Variants in KIF21A observed in about 807,000 individuals in gnomAD.
KIF21A encodes the protein kinesin family member 21A, also known as kinesin-like protein KIF21A.
A neutral mutation model predicts 202.9 loss-of-function variants in KIF21A; 114 were observed. The observed-to-expected ratio is 0.56, with a 90% CI of 0.48 to 0.66. The LOEUF (loss-of-function observed/expected upper bound fraction) is 0.66. KIF21A is among the 30% of genes least tolerant of loss of function. The pLI is 0.00. For synonymous variants in KIF21A, 667 were observed against 670.8 expected, an observed-to-expected ratio of 0.99 and a Z score of 0.09; for missense variants, 1,677 against 1,994.9, an observed-to-expected ratio of 0.84 and a Z score of 3.04.
chr12:39,442,899 C>T lies in KIF21A; in HGVS notation c.44+28G>A. The stretch of plus-strand genomic sequence containing the variant: ...TGCCGCGCCCTCAACCCGCCGCCCG[C>T]CGCCCGCCGCCGGCAGACTGTCCTC... On this transcript the variant is annotated intron_variant, in intron 1 of 37. Transcript: ENST00000361418. The surrounding 1 kb of genome is among the most constrained non-coding windows in gnomAD (Gnocchi z 5.0). The T allele has an allele frequency of 6.6e-7, 1 of 1,523,594 alleles. No homozygotes were observed. The allele number at this position is 1,523,594 out of a possible 1,614,324, so 94.4% of individuals were successfully genotyped here.
chr12:39,404,174 A>G (rs1952398588), intron 1 of KIF21A, among the ~76,000 whole-genome samples: 1 of 152,154 alleles, frequency 6.6e-6, no homozygotes. Context: ...ACTACCTCCA[A>G]GTGCACTGCT....
intron 1 of KIF21A, among the ~76,000 whole-genome samples, chr12:39,389,701 A>T (rs1418578048): frequency 1.3e-5 from 2 of 152,208 alleles, no homozygotes; most frequent in African/African-American, 2.4e-5. Context: ...ACCTTCTTCT[A>T]GGAGCAGTAC....
chr12:39,331,697 A>G lies in KIF21A; in HGVS notation c.3146T>C (p.Ile1049Thr). 1 of 1,607,290 alleles carries G rather than the reference A, an allele frequency of 6.2e-7. No homozygotes were observed. The highest frequency in any genetic ancestry group is 1.1e-5 in the South Asian group (1 of 90,936). ...AGTGTGGTTGTATCTTACCTTATTGATGCCCATTGACAGGAAGTGATCTAG... is the reference window on the plus strand; with the variant it reads ...AGTGTGGTTGTATCTTACCTTATTGGTGCCCATTGACAGGAAGTGATCTAG... ...YLLDHFLSMG[I>T]NKGLQAAQKE... The change falls in exon 22 of 38, where the codon ATC (isoleucine) becomes ACC (threonine). Residue 1049 changes from isoleucine to threonine, a missense_variant. Physicochemically the swap from Ile to Thr is moderately conservative, Grantham distance 89. Coordinates refer to ENST00000361418, the MANE Select transcript of KIF21A (RefSeq NM_001173464.2).
Position 39,403,289 on chromosome 12 carries a change from A to C in KIF21A, c.45-33028T>G, listed in dbSNP as rs571844921. 4.6e-5 allele frequency among the ~76,000 whole-genome samples: 7 copies of C among 152,358 alleles called. No homozygotes were observed. In the East Asian group the frequency reaches 1.4e-3, roughly 29 times the overall value. ...TGCCCTTATGGAACTCACAGTCTAC[A>C]GTTTGTAAGACAAAGCATGTTTACT... On this transcript the variant is annotated intron_variant, in intron 1 of 37. Coordinates refer to ENST00000361418, the MANE Select transcript of KIF21A (RefSeq NM_001173464.2).
chr12:39,419,885 G>A (rs1033317571), intron 1 of KIF21A, among the ~76,000 whole-genome samples: 1 of 151,960 alleles, frequency 6.6e-6, no homozygotes, highest in East Asian at 1.9e-4. Flanking sequence ...TCTCCATTCG[G>A]CAGAACTCAA....
intron 11 of KIF21A, among the ~76,000 whole-genome samples, chr12:39,347,790 CCACTAA>C (rs1344569639): frequency 1.3e-5 from 2 of 152,112 alleles, no homozygotes; most frequent in East Asian, 3.9e-4. Context: ...CAACCCAACA[CCACTAA>C]ATACAAATCA....
Position 39,340,154 on chromosome 12 carries a change from A to G in KIF21A, c.2310+11T>C, listed in dbSNP as rs757861695. ...GAACATCAAACGTTAATGGAAAAAA[A>G]TAATCAATACCTTTGTTTTTTTCAT... is the stretch of plus-strand genomic sequence containing the variant. On this transcript the variant is annotated intron_variant, in intron 16 of 37. Transcript: ENST00000361418. 1 of 1,605,856 alleles carries G rather than the reference A, an allele frequency of 6.2e-7. No individual in the cohort carries two copies. Among genetic ancestry groups the G allele is most frequent in the Non-Finnish European group, 8.5e-7 (1 of 1,173,576 alleles).
chr12:39,322,984 A>G (rs1945446995), intron 26 of KIF21A, 102 bp from the exon 27 acceptor site: 1 of 878,110 alleles, frequency 1.1e-6, no homozygotes, highest in African/African-American at 1.7e-5. Context: ...TAAAACATTT[A>G]GCGTGTCTTT....
In KIF21A at chr12:39,301,517, T is replaced by A. The variant is rs148144546; in HGVS notation, c.4894A>T (p.Ile1632Leu). The change falls in exon 37 of 38, where the codon ATA becomes TTA. Residue 1632 changes from isoleucine to leucine, a missense_variant. Physicochemically the swap from Ile to Leu is conservative, Grantham distance 5 (BLOSUM62 2). Around this residue, in one of 3 missense-constraint regions of KIF21A, gnomAD observed 705 missense variants for 791.9 expected, o/e 0.89. Transcript: ENST00000361418. ...MKGHDSPINAICVNSTHIFTA... is the reference protein window; with the variant it reads ...MKGHDSPINALCVNSTHIFTA... ...AAAATGTGGGTGGAATTAACACATATGGCATTGATAGGACTATCATGACCC... is the reference window on the plus strand; with the variant it reads ...AAAATGTGGGTGGAATTAACACATAAGGCATTGATAGGACTATCATGACCC... 1.2e-6 allele frequency: 2 copies of A among 1,614,126 alleles called. No individual in the cohort carries two copies. The highest frequency in any genetic ancestry group is 3.3e-5 in the Admixed American group (2 of 60,018).
In KIF21A at chr12:39,370,087, A is replaced by G; in HGVS notation, c.219T>C (p.Ile73=). The change falls in exon 2 of 38, where the codon ATT becomes ATC. Residue 73 remains isoleucine, a synonymous_variant. Coordinates refer to ENST00000361418, the MANE Select transcript of KIF21A (RefSeq NM_001173464.2). ...QIYIQCIEKL[I]EGCFEGYNAT... ...CATTGTATCCTTCAAAGCAACCTTC[A>G]ATTAGTTTTTCTATACATTGAATGT... is the stretch of plus-strand genomic sequence containing the variant. 2 of 1,613,832 alleles carry G rather than the reference A, an allele frequency of 1.2e-6. No homozygotes were observed. Among genetic ancestry groups the G allele is most frequent in the Non-Finnish European group, 1.7e-6 (2 of 1,179,826 alleles).
At chr12:39,436,949 C>A (rs1021415028) in intron 1 of KIF21A, among the ~76,000 whole-genome samples, 1 of 152,122 alleles carries the variant, frequency 6.6e-6, no homozygotes, top group South Asian at 2.1e-4. Context: ...ATCTGCCATG[C>A]ATTTTTATTG....
At chr12:39,375,812 C>T (rs746563416) in intron 1 of KIF21A, among the ~76,000 whole-genome samples, 1 of 152,090 alleles carries the variant, frequency 6.6e-6, no homozygotes, top group South Asian at 2.1e-4. Flanking sequence ...ATACTAGCGA[C>T]CTTTGGCAAG....
At chr12:39,332,008 T>G in intron 21 of KIF21A, 2 of 660,928 alleles carry the variant, frequency 3.0e-6, no homozygotes, top group South Asian at 1.8e-5. Flanking sequence ...AGATGACCCA[T>G]GTGTTATATA....
chr12:39,373,182 C>T (rs1279400834), intron 1 of KIF21A, among the ~76,000 whole-genome samples: 1 of 152,224 alleles, frequency 6.6e-6, no homozygotes, highest in Non-Finnish European at 1.5e-5. Flanking sequence ...CTAAATCCCT[C>T]TGCTTTGCCA....
chr12:39,295,760 G>A (rs143500990), intron 37 of KIF21A, among the ~76,000 whole-genome samples: 3,342 of 138,434 alleles, frequency 0.024, 60 homozygotes, highest in South Asian at 0.05. Flanking sequence ...ATGCAGTGGC[G>A]CGATCTCGGC....
intron 32 of KIF21A, among the ~76,000 whole-genome samples, chr12:39,310,106 A>T (rs2137339515): frequency 6.6e-6 from 1 of 152,240 alleles, no homozygotes; most frequent in Non-Finnish European, 1.5e-5. Context: ...TCTTCAAAAC[A>T]TTCTTCTCTG....
chr12:39,334,402 A>C (rs1946781881), intron 17 of KIF21A, among the ~76,000 whole-genome samples: 1 of 152,118 alleles, frequency 6.6e-6, no homozygotes, highest in South Asian at 2.1e-4. Flanking sequence ...TTTGCATTCA[A>C]ATTCAAACAG....
At position 39,341,102 on chromosome 12, in the gene KIF21A, T is replaced by C. The variant is rs747194513; in HGVS notation, c.1922-8A>G. 1.3e-6 allele frequency: 2 copies of C among 1,584,030 alleles called. No homozygotes were observed. Among genetic ancestry groups the C allele is most frequent in the East Asian group, 4.5e-5 (2 of 44,140 alleles). ...AGTCTGCTTGATAATTGGCTATTTA[T>C]AAAAGAAGAAAATAAAAATCCTGGT... On this transcript the variant is annotated splice_polypyrimidine_tract_variant and splice_region_variant and intron_variant, in intron 14 of 37. Coordinates refer to ENST00000361418, the MANE Select transcript of KIF21A (RefSeq NM_001173464.2).
intron 6 of KIF21A, among the ~76,000 whole-genome samples, chr12:39,363,789 G>T (rs183680003): frequency 6.6e-6 from 1 of 152,286 alleles, no homozygotes; most frequent in African/African-American, 2.4e-5. Context: ...AGGCCAAGGT[G>T]GGGGGATCAC....
Sources: allele counts gnomAD v4.1 joint callset (sites outside exome capture counted in the v4.1 genomes callset), GRCh38; gene constraint gnomAD v4.1.1; regional missense constraint gnomAD v4.1.1; non-coding constraint Gnocchi (gnomAD v3.1); transcripts MANE v1.5; gene names NCBI Gene and HGNC (gene_info 2026-07-23, HGNC 2026-07-21).